SH3D19: variants seen among roughly 807,000 people sequenced by gnomAD.
SH3D19 encodes SH3 domain containing 19.
In SH3D19, 58 loss-of-function variants were observed where a neutral mutation model predicts 112.1. The ratio of observed to expected loss-of-function variants is 0.52; its 90% CI spans 0.42 to 0.64. The LOEUF (loss-of-function observed/expected upper bound fraction) is 0.64, where lower values mean the gene tolerates loss of function less well. Among genes scored for constraint, SH3D19 ranks in the 30% least tolerant of loss-of-function variants. The probability of loss-of-function intolerance (pLI) is 0.00; values close to 1 mark genes in which losing one functional copy is unlikely to be tolerated. For synonymous variants in SH3D19, 391 were observed against 448.5 expected, an observed-to-expected ratio of 0.87 and a Z score of 1.62; for missense variants, 1,090 against 1,263.4, an observed-to-expected ratio of 0.86 and a Z score of 2.08.
At position 151,279,533 on chromosome 4, in the gene SH3D19, G is replaced by C. The variant is rs114331935; in HGVS notation, c.112+45708C>G. ...TTCAGTGAATCTAGATATTAGATGTGTTACTATGTGTTAATGATACCCTAT... is the reference window on the plus strand; with the variant it reads ...TTCAGTGAATCTAGATATTAGATGTCTTACTATGTGTTAATGATACCCTAT... On this transcript the variant is annotated intron_variant, in intron 1 of 19. Transcript: ENST00000604030. 6.8e-3 allele frequency among the ~76,000 whole-genome samples: 1,042 copies of C among 152,262 alleles called. 7 individuals carry two copies. The highest frequency in any genetic ancestry group is 0.023 in the African/African-American group (963 of 41,538).
chr4:151,137,672 A>G (rs1431876303), intron 14 of SH3D19, 60 bp downstream of exon 14: 1 of 1,371,382 alleles, frequency 7.3e-7, no homozygotes. Flanking sequence ...TTTCCAACCT[A>G]CAAGTCACAT....
At chr4:151,167,502 A>G (rs182497500) in intron 7 of SH3D19, among the ~76,000 whole-genome samples, 48 of 152,184 alleles carry the variant, frequency 3.2e-4, no homozygotes, top group Non-Finnish European at 6.0e-4. Flanking sequence ...AAATATTTTG[A>G]AAAACAAACC....
Position 151,235,987 on chromosome 4 carries a change from A to G in SH3D19, c.113-9901T>C, listed in dbSNP as rs112011152. On this transcript the variant is annotated intron_variant, in intron 1 of 19. Coordinates refer to ENST00000604030, the MANE Select transcript of SH3D19 (RefSeq NM_001378122.1). ...CACTTCTCAAATGAACTGAACTCCA[A>G]CTGCTATAGGGCCAGGCACAGGCTC... 6.1e-3 allele frequency among the ~76,000 whole-genome samples: 936 copies of G among 152,292 alleles called. 9 individuals carry two copies. The highest frequency in any genetic ancestry group is 0.021 in the African/African-American group (887 of 41,578).
chr4:151,165,514 C>T (rs575188926), intron 8 of SH3D19, 75 bp downstream of exon 8: 2 of 1,153,934 alleles, frequency 1.7e-6, no homozygotes, highest in African/African-American at 1.5e-5. Flanking sequence ...ATTTCAAAAG[C>T]AGACATTGAT....
chr4:151,144,106 C>CT, intron 11 of SH3D19, 56 bp from the exon 12 acceptor site: 1 of 1,588,288 alleles, frequency 6.3e-7, no homozygotes, highest in Non-Finnish European at 8.6e-7. Flanking sequence ...AACATTATTA[C>CT]TTTTTCACAT....
Position 151,197,884 on chromosome 4 carries a change from TTTA to T in SH3D19, c.153-10424_153-10422del, listed in dbSNP as rs373105767. On this transcript the variant is annotated intron_variant, in intron 2 of 19. Transcript: ENST00000604030. ...AATTAGGTCAGTTTGAAGCCAAGGC[TTTA>T]TGTGAAATAGTGAGGCAGATACTTT... Among the ~76,000 whole-genome samples, 362 of 152,312 alleles carry T rather than the reference TTTA, an allele frequency of 2.4e-3. 1 individual carries two copies. Among genetic ancestry groups the T allele is most frequent in the African/African-American group, 8.4e-3 (351 of 41,570 alleles).
chr4:151,209,791 A>G (rs1765670475), intron 2 of SH3D19, among the ~76,000 whole-genome samples: 1 of 152,210 alleles, frequency 6.6e-6, no homozygotes, highest in Non-Finnish European at 1.5e-5. Context: ...GAATGGCTTC[A>G]GAAAGGCCTC....
At chr4:151,197,214 G>C (rs950221806) in intron 2 of SH3D19, among the ~76,000 whole-genome samples, 1 of 151,990 alleles carries the variant, frequency 6.6e-6, no homozygotes, top group African/African-American at 2.4e-5. Context: ...AAAAAAAAAA[G>C]AGTTAATCTT....
rs557899919 is a variant in SH3D19 at position 151,226,170 on chromosome 4, T to TTAA, written c.113-85_113-84insTTA. The TTAA allele has an allele frequency of 4.9e-5, 60 of 1,230,186 alleles. No homozygotes were observed. In the South Asian group the frequency reaches 2.0e-3, roughly 41 times the overall value. 76.2% of individuals were successfully genotyped at this position (1,230,186 alleles called of 1,614,324 possible). A position where few individuals can be genotyped will look rare whatever the true frequency, so the allele number is the denominator to read the frequency against. Reference sequence around the variant, plus strand: ...TTTTTAAATACCAGCTGCCATACCATTAGATTTCACAAAGGACTGTTCAAA... The same window carrying TTAA: ...TTTTTAAATACCAGCTGCCATACCATTAATAGATTTCACAAAGGACTGTTCAAA... On this transcript the variant is annotated intron_variant, in intron 1 of 19. Transcript: ENST00000604030.
At chr4:151,227,943 G>A (rs778299681) in intron 1 of SH3D19, 3 of 985,204 alleles carry the variant, frequency 3.0e-6, no homozygotes, top group Admixed American at 6.2e-5. Context: ...AGTATCCAAG[G>A]GCTTCCCTCC....
intron 1 of SH3D19, among the ~76,000 whole-genome samples, chr4:151,318,164 G>A (rs1336004411): frequency 6.6e-6 from 1 of 150,738 alleles, no homozygotes; most frequent in African/African-American, 2.4e-5. Flanking sequence ...AGCCGGGCAT[G>A]GTGGCACGTG....
chr4:151,187,941 T>A (rs1052758867), intron 2 of SH3D19, among the ~76,000 whole-genome samples: 8 of 152,130 alleles, frequency 5.3e-5, no homozygotes, highest in African/African-American at 1.9e-4. Flanking sequence ...AATAAAATAA[T>A]CTTGTGAGAC....
intron 2 of SH3D19, among the ~76,000 whole-genome samples, chr4:151,204,535 A>G (rs1449312297): frequency 1.4e-5 from 2 of 147,324 alleles, no homozygotes; most frequent in East Asian, 4.1e-4. Context: ...CACAATAAAT[A>G]TCTTTTGAAT....
At chr4:151,290,659 T>G (rs988459866) in intron 1 of SH3D19, among the ~76,000 whole-genome samples, 2 of 152,104 alleles carry the variant, frequency 1.3e-5, no homozygotes, top group Non-Finnish European at 2.9e-5. Flanking sequence ...ACCACTGAAT[T>G]GTGTAGTATG....
At chr4:151,257,091 GTTTA>G (rs1232073791) in intron 1 of SH3D19, among the ~76,000 whole-genome samples, 14 of 151,476 alleles carry the variant, frequency 9.2e-5, no homozygotes, top group South Asian at 2.1e-4. Context: ...TTGTTTGTTT[GTTTA>G]TTTATTTTTT....
At chr4:151,268,445 TTTA>T (rs1430815415) in intron 1 of SH3D19, among the ~76,000 whole-genome samples, 3 of 151,928 alleles carry the variant, frequency 2.0e-5, no homozygotes, top group Non-Finnish European at 2.9e-5. Flanking sequence ...AGTGTATTTT[TTTA>T]TTATTATTAT....
chr4:151,175,283 T>C lies in SH3D19; in HGVS notation c.921A>G (p.Glu307=). 1.9e-6 allele frequency: 3 copies of C among 1,614,118 alleles called. No homozygotes were observed. Among genetic ancestry groups the C allele is most frequent in the Non-Finnish European group, 2.5e-6 (3 of 1,180,020 alleles). Residue 307 remains glutamate, a synonymous_variant, in exon 7 of 20, where the codon GAA becomes GAG. Transcript: ENST00000604030. The part of the protein sequence containing the change: ...IKVFEGQTNI[E]TSGLPKKPEI... ...CTGGTTTCTTGGGCAGTCCTGAGGT[T>C]TCTATGTTTGTCTGACCCTCAAACA... is the stretch of plus-strand genomic sequence containing the variant.
chr4:151,154,577 C>G (rs1406984278), intron 9 of SH3D19, among the ~76,000 whole-genome samples: 1 of 151,692 alleles, frequency 6.6e-6, no homozygotes, highest in Non-Finnish European at 1.5e-5. Flanking sequence ...CCACACCCGG[C>G]CTCTTTTCTT....
intron 2 of SH3D19, among the ~76,000 whole-genome samples, chr4:151,214,464 A>ACCC (rs70941485): frequency 1.2e-5 from 1 of 81,232 alleles, no homozygotes. Context: ...CGGGGGGCTG[A>ACCC]CCCCCCACCT....
Sources: gnomAD v4.1 joint callset for allele counts (sites outside exome capture counted in the v4.1 genomes callset) on GRCh38, gnomAD v4.1.1 for gene constraint, MANE v1.5 for transcripts, NCBI Gene and HGNC (gene_info 2026-07-23, HGNC 2026-07-21) for gene names.